The following KIF7 variants were observed in gnomAD, a reference collection of about 807,000 sequenced individuals.
The protein encoded by KIF7 is kinesin family member 7.
In KIF7, 104 loss-of-function variants were observed where a neutral mutation model predicts 135.7. That is an observed-to-expected ratio of 0.77 (90% CI 0.65 to 0.90). The LOEUF (loss-of-function observed/expected upper bound fraction) is 0.90. Among genes scored for constraint, KIF7 ranks in the 40% least tolerant of loss-of-function variants. The probability of loss-of-function intolerance (pLI) is 0.00; values close to 1 mark genes in which losing one functional copy is unlikely to be tolerated. For missense variants in KIF7, 2,005 were observed against 1,839.1 expected (o/e 1.09, Z -1.65); for synonymous variants, 883 against 809.4 (o/e 1.09, Z -1.54).
At chr15:89,650,033 G>T (rs141720203) in intron 2 of KIF7, 92 bp from the exon 3 acceptor site, 4 of 1,300,808 alleles carry the variant, frequency 3.1e-6, no homozygotes, top group Non-Finnish European at 4.3e-6. Flanking sequence ...GCCAGAGCTG[G>T]AGGATGGTGC....
intron 16 of KIF7, 96 bp from the exon 17 acceptor site, chr15:89,629,669 A>G: frequency 6.6e-7 from 1 of 1,523,234 alleles, no homozygotes; most frequent in Non-Finnish European, 8.9e-7. Flanking sequence ...ACTTGCCACC[A>G]CGGCACTAAG....
chr15:89,627,222 C>CTAAT (rs150411759), downstream of KIF7: 4,163 of 1,066,952 alleles, frequency 3.9e-3, 123 homozygotes, highest in African/African-American at 0.06. Context: ...TTAGGGTTTT[C>CTAAT]TAATTCCCCT....
In KIF7 at chr15:89,652,964, G is replaced by C; in HGVS notation, c.-24-10C>G. 1.4e-6 allele frequency: 2 copies of C among 1,463,248 alleles called. No individual in the cohort carries two copies. Among genetic ancestry groups the C allele is most frequent in the Non-Finnish European group, 1.8e-6 (2 of 1,105,268 alleles). 90.6% of individuals were successfully genotyped at this position (1,463,248 alleles called of 1,614,324 possible). A position where few individuals can be genotyped will look rare whatever the true frequency, so the allele number is the denominator to read the frequency against. On this transcript the variant is annotated splice_polypyrimidine_tract_variant and intron_variant, in intron 1 of 18. Coordinates refer to ENST00000394412, the MANE Select transcript of KIF7 (RefSeq NM_198525.3). ...AGGACTGCTCTGGGCCCTGTGGAGAGAGAGAGAAGCCCTGGCCATCAGCAC... is the reference window on the plus strand; with the variant it reads ...AGGACTGCTCTGGGCCCTGTGGAGACAGAGAGAAGCCCTGGCCATCAGCAC...
intron 11 of KIF7, among the ~76,000 whole-genome samples, chr15:89,638,403 T>C (rs1335417017): frequency 2.4e-4 from 36 of 148,438 alleles, no homozygotes; most frequent in Non-Finnish European, 4.3e-4. Context: ...AAAACCCCAT[T>C]GTCTCAGCCC....
the KIF7 span, among the ~76,000 whole-genome samples, chr15:89,660,509 G>C: frequency 6.6e-6 from 1 of 152,192 alleles, no homozygotes; most frequent in Non-Finnish European, 1.5e-5. Context: ...GATCGCTGGA[G>C]CTGGAGCAGC....
chr15:89,621,322 G>T, intron 1 of KIF7: 1 of 1,494,648 alleles, frequency 6.7e-7, no homozygotes. Flanking sequence ...TGCGTGGCTG[G>T]CTGTTTTAAT....
At chr15:89,641,473 T>G (rs1418776018) in intron 11 of KIF7, among the ~76,000 whole-genome samples, 1 of 152,234 alleles carries the variant, frequency 6.6e-6, no homozygotes, top group Non-Finnish European at 1.5e-5. Flanking sequence ...TGGATGCACC[T>G]GTGGATAAAT....
At position 89,633,246 on chromosome 15, in the gene KIF7, C is replaced by T. The variant is rs370595622; in HGVS notation, c.2613G>A (p.Glu871=). 353 of 1,578,824 alleles carry T rather than the reference C, an allele frequency of 2.2e-4. No homozygotes were observed. The Middle Eastern group carries it at 4.5e-3, about 20-fold the overall frequency. The change falls in exon 13 of 19, where the codon GAG becomes GAA. Residue 871 remains glutamate (E), a synonymous_variant. Coordinates refer to ENST00000394412, the MANE Select transcript of KIF7 (RefSeq NM_198525.3). ...TAATCTTCAGGATCTTCTGCTGTTG[C>T]TCATGCTTCAGCTCCAGCTCCTGGG... ...HRVKELELKH[E]QQQKILKIKT...
At chr15:89,640,304 A>T (rs1022212802) in intron 11 of KIF7, among the ~76,000 whole-genome samples, 3 of 91,052 alleles carry the variant, frequency 3.3e-5, no homozygotes, top group African/African-American at 7.9e-5. Context: ...ATAATAAATT[A>T]AAAATAATAA....
At chr15:89,626,116 C>T, downstream of KIF7, 1 of 1,588,824 alleles carries the variant, frequency 6.3e-7, no homozygotes, top group Non-Finnish European at 8.5e-7. Context: ...TCTGAATTCA[C>T]CAGGGTTGCC....
chr15:89,649,485 C>G (rs1275889442), intron 3 of KIF7, 118 bp from the exon 4 acceptor site: 1 of 1,227,064 alleles, frequency 8.1e-7, no homozygotes, highest in East Asian at 2.6e-5. Flanking sequence ...GCTCCCTCCC[C>G]ATGCCCACGG....
downstream of KIF7, chr15:89,625,588 G>A (rs752820808): frequency 8.7e-6 from 14 of 1,612,878 alleles, no homozygotes; most frequent in African/African-American, 4.0e-5. Flanking sequence ...GCCTAAGGCC[G>A]AGGAAGCCTC....
At chr15:89,619,593 C>A in intron 1 of KIF7, 1 of 1,121,378 alleles carries the variant, frequency 8.9e-7, no homozygotes, top group Non-Finnish European at 1.3e-6. Flanking sequence ...TAATAGCTTG[C>A]TGAATTTCCA....
chr15:89,632,836 C>A lies in KIF7; in HGVS notation c.2879G>T (p.Arg960Leu), dbSNP rs149221245. The part of the protein sequence containing the change: ...MQEKTGLESK[R>L]LRSSQALNED... ...GGGCCTCACCTGGCTGGATCTCAGG[C>A]GCTTGCTCTCCAGCCCCGTCTTCTC... The change falls in exon 14 of 19, where the codon CGC (arginine) becomes CTC (leucine). Residue 960 changes from arginine (R) to leucine (L), a missense_variant. Transcript: ENST00000394412. 1 of 1,606,770 alleles carries A rather than the reference C, an allele frequency of 6.2e-7. No homozygotes were observed. The highest frequency in any genetic ancestry group is 1.7e-5 in the Admixed American group (1 of 59,924).
At chr15:89,651,121 G>A (rs1964116709) in intron 2 of KIF7, among the ~76,000 whole-genome samples, 1 of 151,934 alleles carries the variant, frequency 6.6e-6, no homozygotes. Context: ...TTGTTTTTGA[G>A]ACGGAGTCTT....
At chr15:89,650,378 T>C (rs116619753) in intron 2 of KIF7, among the ~76,000 whole-genome samples, 1,629 of 152,216 alleles carry the variant, frequency 0.011, 38 homozygotes, top group African/African-American at 0.038. Context: ...GAAGATCCAA[T>C]AGGAGATCTG....
chr15:89,644,976 C>T, intron 10 of KIF7, 37 bp downstream of exon 10: 4 of 1,604,418 alleles, frequency 2.5e-6, no homozygotes, highest in South Asian at 2.2e-5. Context: ...GAGAAGTCCC[C>T]CTCGGGTGAG....
chr15:89,633,002 GA>G lies in KIF7; in HGVS notation c.2719-7del. On this transcript the variant is annotated splice_region_variant and splice_polypyrimidine_tract_variant and intron_variant, in intron 13 of 18. Coordinates refer to ENST00000394412, the MANE Select transcript of KIF7 (RefSeq NM_198525.3). ...TTCTTCTGCTCCTCAATCTTCTAAGGAAAAGTAGGGAGGGAGGGAGGGAACT... is the reference window on the plus strand; with the variant it reads ...TTCTTCTGCTCCTCAATCTTCTAAGGAAAGTAGGGAGGGAGGGAGGGAACT... 9.2e-7 allele frequency: 1 copy of G among 1,086,008 alleles called. No individual in the cohort carries two copies. The highest frequency in any genetic ancestry group is 1.3e-6 in the Non-Finnish European group (1 of 757,784). The allele number at this position is 1,086,008 out of a possible 1,614,324, so 67.3% of individuals were successfully genotyped here. A position where few individuals can be genotyped will look rare whatever the true frequency, so the allele number is the denominator to read the frequency against.
intron 11 of KIF7, 33 bp downstream of exon 11, chr15:89,642,170 C>T (rs1364384599): frequency 1.2e-5 from 20 of 1,604,468 alleles, no homozygotes; most frequent in Admixed American, 1.7e-5. Context: ...CAGGAGTCAC[C>T]CCAGCACCCC....
Sources: gnomAD v4.1 joint callset for allele counts (sites outside exome capture counted in the v4.1 genomes callset) on GRCh38, gnomAD v4.1.1 for gene constraint, MANE v1.5 for transcripts, NCBI Gene and HGNC (gene_info 2026-07-23, HGNC 2026-07-21) for gene names.